The following SFMBT2 variants were observed in gnomAD, a reference collection of about 807,000 sequenced individuals.
SFMBT2 encodes scm-like with four MBT domains protein 2.
A neutral mutation model predicts 110.1 loss-of-function variants in SFMBT2; 38 were observed. That is an observed-to-expected ratio of 0.35 (90% CI 0.27 to 0.45). The LOEUF (loss-of-function observed/expected upper bound fraction) is 0.45, where lower values mean the gene tolerates loss of function less well. Ranked by LOEUF, SFMBT2 falls within the 20% of genes least tolerant of loss-of-function variation. The pLI, the probability that SFMBT2 is intolerant of heterozygous loss-of-function variation, is 1.00. For synonymous variants in SFMBT2, 425 were observed against 425.4 expected, an observed-to-expected ratio of 1.00 and a Z score of 0.01; for missense variants, 1,011 against 1,094.9, an observed-to-expected ratio of 0.92 and a Z score of 1.08.
At chr10:7,393,494 A>C (rs1050185174) in intron 1 of SFMBT2, among the ~76,000 whole-genome samples, 1 of 151,890 alleles carries the variant, frequency 6.6e-6, no homozygotes, top group African/African-American at 2.4e-5. Flanking sequence ...AAGGGACAGC[A>C]GTGATTTTTT....
At chr10:7,240,382 A>G (rs1296312153) in intron 9 of SFMBT2, among the ~76,000 whole-genome samples, 1 of 152,210 alleles carries the variant, frequency 6.6e-6, no homozygotes, top group Admixed American at 6.5e-5. Context: ...ATCTCATTAG[A>G]AGGATCTCCA....
chr10:7,406,505 C>G (rs949885762), intron 1 of SFMBT2, among the ~76,000 whole-genome samples: 1 of 148,668 alleles, frequency 6.7e-6, no homozygotes, highest in Non-Finnish European at 1.5e-5. Context: ...GAGTGGGCAG[C>G]AATGGAAAAA....
chr10:7,262,252 TG>T (rs140540606), intron 7 of SFMBT2, among the ~76,000 whole-genome samples: 10,684 of 152,160 alleles, frequency 0.07, 903 homozygotes, highest in African/African-American at 0.2. Context: ...GGAGGGGGGA[TG>T]GGGGAGCCAC....
intron 4 of SFMBT2, among the ~76,000 whole-genome samples, chr10:7,351,070 G>A (rs1844298032): frequency 6.6e-6 from 1 of 152,174 alleles, no homozygotes; most frequent in Admixed American, 6.5e-5. Flanking sequence ...CAATATGCAT[G>A]ACTAACAGCT....
At chr10:7,195,286 C>T (rs1296309375) in intron 15 of SFMBT2, among the ~76,000 whole-genome samples, 1 of 152,154 alleles carries the variant, frequency 6.6e-6, no homozygotes, top group Non-Finnish European at 1.5e-5. Flanking sequence ...CCAATCTGTG[C>T]CAATTTATTC....
At chr10:7,306,474 T>C (rs1319183888) in intron 4 of SFMBT2, among the ~76,000 whole-genome samples, 1 of 152,170 alleles carries the variant, frequency 6.6e-6, no homozygotes, top group African/African-American at 2.4e-5. Flanking sequence ...GTGAACTGAG[T>C]AGCGGCAACA....
At chr10:7,345,902 G>T (rs1844094185) in intron 4 of SFMBT2, among the ~76,000 whole-genome samples, 1 of 152,174 alleles carries the variant, frequency 6.6e-6, no homozygotes, top group Non-Finnish European at 1.5e-5. Context: ...CCTCTGGGAG[G>T]CAAAACTTCC....
intron 13 of SFMBT2, 44 bp from the exon 14 acceptor site, chr10:7,200,528 G>C (rs755963277): frequency 1.3e-6 from 2 of 1,515,476 alleles, no homozygotes; most frequent in East Asian, 4.7e-5. Flanking sequence ...ACAAGCTTTA[G>C]AAGGAACTAC....
intron 2 of SFMBT2, among the ~76,000 whole-genome samples, chr10:7,376,697 T>A (rs1588492917): frequency 4.8e-4 from 1 of 2,084 alleles, no homozygotes; most frequent in Non-Finnish European, 9.9e-4. Context: ...AGACTCTGTC[T>A]CAAAAAAAAA....
intron 2 of SFMBT2, among the ~76,000 whole-genome samples, chr10:7,376,764 G>C (rs913120076): frequency 2.5e-5 from 3 of 119,046 alleles, no homozygotes; most frequent in African/African-American, 1.0e-4. Flanking sequence ...AAAAAGCCTG[G>C]TAATGAGACT....
intron 4 of SFMBT2, among the ~76,000 whole-genome samples, chr10:7,342,541 T>A (rs1843953933): frequency 6.6e-6 from 1 of 151,536 alleles, no homozygotes. Flanking sequence ...CCCGAGCAGC[T>A]GGGACTACAG....
intron 2 of SFMBT2, among the ~76,000 whole-genome samples, chr10:7,377,057 T>C (rs1845246770): frequency 7.4e-5 from 11 of 149,442 alleles, no homozygotes; most frequent in Admixed American, 6.7e-4. Context: ...TAGTCCCAGC[T>C]ACTTGGGAGG....
At chr10:7,381,712 T>C (rs1349417006) in intron 2 of SFMBT2, 87 bp downstream of exon 2, 8 of 1,384,766 alleles carry the variant, frequency 5.8e-6, no homozygotes, top group Non-Finnish European at 8.1e-6. Flanking sequence ...GATCTACAAA[T>C]GTTGCCCCAT....
intron 20 of SFMBT2, among the ~76,000 whole-genome samples, chr10:7,169,453 C>T (rs1837804651): frequency 6.6e-6 from 1 of 152,158 alleles, no homozygotes; most frequent in Non-Finnish European, 1.5e-5. Context: ...GGGAGAAAAG[C>T]TGGGAAATTT....
intron 4 of SFMBT2, among the ~76,000 whole-genome samples, chr10:7,329,835 C>T (rs1458005501): frequency 1.3e-5 from 2 of 152,240 alleles, no homozygotes; most frequent in Non-Finnish European, 2.9e-5. Flanking sequence ...TCTCACTCAG[C>T]CTTGGAAGTC....
chr10:7,176,092 G>A lies in SFMBT2; in HGVS notation c.1882C>T (p.Arg628Ter), dbSNP rs1838046450. 2.5e-6 allele frequency: 4 copies of A among 1,614,144 alleles called. No homozygotes were observed. Among genetic ancestry groups the A allele is most frequent in the East Asian group, 2.2e-5 (1 of 44,882 alleles). The change falls in exon 17 of 21, where the codon CGA (arginine) becomes TGA (stop). Residue 628 changes from arginine to a stop codon, truncating the protein, a stop_gained. Transcript: ENST00000397167. LOFTEE classifies it high-confidence loss of function. The stretch of plus-strand genomic sequence containing the variant: ...CAGCACTCTAGCTTGGCACAGACTC[G>A]GCGGCAGAAATTTGCGACTTGGTCA... ...TSDQVANFCRRVCAKLECCPN... is the reference protein window; with the variant it reads ...TSDQVANFCR
chr10:7,261,631 GA>G (rs1841207426), intron 7 of SFMBT2, among the ~76,000 whole-genome samples: 1 of 152,220 alleles, frequency 6.6e-6, no homozygotes, highest in African/African-American at 2.4e-5. Context: ...GTGATCTAGA[GA>G]CTTTGCAGGT....
At chr10:7,366,985 C>T (rs1844928681) in intron 4 of SFMBT2, among the ~76,000 whole-genome samples, 1 of 152,108 alleles carries the variant, frequency 6.6e-6, no homozygotes, top group Admixed American at 6.5e-5. Context: ...TTTGTAGCAA[C>T]TAAATTGATC....
chr10:7,344,343 G>A (rs1399611449), intron 4 of SFMBT2, among the ~76,000 whole-genome samples: 1 of 152,030 alleles, frequency 6.6e-6, no homozygotes, highest in African/African-American at 2.4e-5. Flanking sequence ...AATCATGGGG[G>A]CAGTTCTCCT....
Sources: gnomAD v4.1 joint callset for allele counts (sites outside exome capture counted in the v4.1 genomes callset) on GRCh38, gnomAD v4.1.1 for gene constraint, MANE v1.5 for transcripts, NCBI Gene and HGNC (gene_info 2026-07-23, HGNC 2026-07-21) for gene names.